Variants in MARVELD2 observed in about 807,000 individuals in gnomAD.
MARVELD2 encodes the protein MARVEL domain containing 2, also known as MARVEL domain-containing protein 2.
In MARVELD2, 49 loss-of-function variants were observed where a neutral mutation model predicts 57.6. The observed-to-expected ratio is 0.85, with a 90% CI of 0.68 to 1.08. MARVELD2 has a LOEUF of 1.08. MARVELD2 is among the 50% of genes least tolerant of loss of function. MARVELD2 has a pLI of 0.00. For synonymous variants in MARVELD2, 238 were observed against 258.8 expected (o/e 0.92, Z 0.77); for missense variants, 606 against 701.1 (o/e 0.86, Z 1.53).
intron 1 of MARVELD2, among the ~76,000 whole-genome samples, chr5:69,416,093 G>A (rs1766404802): frequency 6.6e-6 from 1 of 152,206 alleles, no homozygotes; most frequent in Non-Finnish European, 1.5e-5. Context: ...CACAGGTGAA[G>A]AGTTAAATCC....
intron 3 of MARVELD2, among the ~76,000 whole-genome samples, chr5:69,426,480 G>A (rs956068124): frequency 2.0e-5 from 3 of 151,510 alleles, no homozygotes; most frequent in Non-Finnish European, 2.9e-5. Context: ...GATTACAGGC[G>A]CCCGCCACCA....
chr5:69,437,381 TAAAAA>T (rs36086491), intron 5 of MARVELD2, among the ~76,000 whole-genome samples: 1 of 100,108 alleles, frequency 1.0e-5, no homozygotes, highest in Non-Finnish European at 1.9e-5. Flanking sequence ...AACTCTGTCT[TAAAAA>T]AAAAAAAAAA....
intron 3 of MARVELD2, among the ~76,000 whole-genome samples, chr5:69,425,413 T>TAAAAA (rs10706532): frequency 7.0e-6 from 1 of 141,846 alleles, no homozygotes; most frequent in South Asian, 2.2e-4. Flanking sequence ...ATATATATAT[T>TAAAAA]AAAAAAAAAA....
Position 69,420,043 on chromosome 5 carries a change from G to C in MARVELD2, c.658G>C (p.Glu220Gln). Residue 220 changes from glutamate (E) to glutamine (Q), a missense_variant, in exon 2 of 7, where the codon GAG becomes CAG. Glu to Gln is a conservative substitution (Grantham distance 29). Transcript: ENST00000325631. ...CACAGCTTACATTCACAAGGACAGT[G>C]AGTGGTACAACTTGTTTGGATATTC... ...CVTAYIHKDS[E>Q]WYNLFGYSQP... 1 of 1,614,172 alleles carries C rather than the reference G, an allele frequency of 6.2e-7. No individual in the cohort carries two copies.
chr5:69,416,165 T>C (rs1442312516), intron 1 of MARVELD2, among the ~76,000 whole-genome samples: 3 of 152,278 alleles, frequency 2.0e-5, no homozygotes, highest in Admixed American at 2.0e-4. Flanking sequence ...CTGTAAATGC[T>C]GTGTAAAACT....
intron 3 of MARVELD2, among the ~76,000 whole-genome samples, chr5:69,425,517 C>T (rs1357676647): frequency 2.0e-5 from 3 of 150,924 alleles, no homozygotes; most frequent in African/African-American, 7.3e-5. Context: ...ATATCTATAG[C>T]TGCTTTTAAT....
In MARVELD2 at chr5:69,432,594, C is replaced by T; in HGVS notation, c.1250C>T (p.Ala417Val). 3 of 1,614,108 alleles carry T rather than the reference C, an allele frequency of 1.9e-6. No homozygotes were observed. The highest frequency in any genetic ancestry group is 2.5e-6 in the Non-Finnish European group (3 of 1,180,024). ...GTTAATTTCAAGGAACTGAGAACAG[C>T]AAAAATGAAACCTGAACTACTGAGT... ...SEVNFKELRT[A>V]KMKPELLSGH... The change falls in exon 4 of 7, where the codon GCA (alanine) becomes GTA (valine). Residue 417 changes from alanine (A) to valine (V), a missense_variant. Ala to Val is a moderately conservative substitution (Grantham distance 64). Transcript: ENST00000325631.
chr5:69,425,031 AAAG>A (rs1207160400), intron 3 of MARVELD2, among the ~76,000 whole-genome samples: 9 of 151,308 alleles, frequency 5.9e-5, no homozygotes, highest in African/African-American at 2.2e-4. Flanking sequence ...TAAAAAAAGA[AAAG>A]AAAAGAAAGT....
In MARVELD2 at chr5:69,428,638, G is replaced by GACCAT. The variant is rs1288309955; in HGVS notation, c.1183-3888_1183-3887insCCATA. 3.1e-3 allele frequency among the ~76,000 whole-genome samples: 121 copies of GACCAT among 38,784 alleles called. 18 individuals carry two copies. The highest frequency in any genetic ancestry group is 7.2e-3 in the African/African-American group (82 of 11,342). 25.4% of individuals were successfully genotyped at this position (38,784 alleles called of 152,430 possible). ...CTTACAATTAGGGATGGGCAAGTAA[G>GACCAT]AAAAATGATTAGTTCTTCCTTAAAA... On this transcript the variant is annotated intron_variant, in intron 3 of 6. Coordinates refer to ENST00000325631, the MANE Select transcript of MARVELD2 (RefSeq NM_001038603.3).
chr5:69,438,730 CA>C (rs1418201549), intron 5 of MARVELD2, among the ~76,000 whole-genome samples: 1 of 151,870 alleles, frequency 6.6e-6, no homozygotes, highest in African/African-American at 2.4e-5. Context: ...ACTGAAAATA[CA>C]AAAAATTAGC....
intron 5 of MARVELD2, chr5:69,433,625 AT>A: frequency 1.3e-5 from 2 of 159,224 alleles, no homozygotes; most frequent in South Asian, 1.8e-4. Context: ...CGCCCAGCTA[AT>A]TTTTTTGTAT....
At chr5:69,434,445 T>A (rs1418838449) in intron 5 of MARVELD2, among the ~76,000 whole-genome samples, 2 of 144,612 alleles carry the variant, frequency 1.4e-5, no homozygotes, top group East Asian at 4.0e-4. Flanking sequence ...AAGGACAGAG[T>A]GAGACCATGT....
At position 69,429,474 on chromosome 5, in the gene MARVELD2, G is replaced by C. The variant is rs80065029; in HGVS notation, c.1183-3053G>C. On this transcript the variant is annotated intron_variant, in intron 3 of 6. Coordinates refer to ENST00000325631, the MANE Select transcript of MARVELD2 (RefSeq NM_001038603.3). ...TTAGTTCAGCAAGCATTTCTCGAAG[G>C]CTTAAGGGGTCAGTAGAGGGGAGGG... is the stretch of plus-strand genomic sequence containing the variant. 8.6e-3 allele frequency among the ~76,000 whole-genome samples: 1,312 copies of C among 152,224 alleles called. 17 individuals carry two copies. Among genetic ancestry groups the C allele is most frequent in the African/African-American group, 0.03 (1,247 of 41,532 alleles).
At chr5:69,415,963 GAAATACAGCTAACCATTCCCTTCTAA>G (rs2150909059) in intron 1 of MARVELD2, among the ~76,000 whole-genome samples, 1 of 152,358 alleles carries the variant, frequency 6.6e-6, no homozygotes, top group Admixed American at 6.5e-5. Context: ...AAGATGTAAT[GAAATACAGCTAACCATTCCCTTCTAA>G]AAATCACATT....
chr5:69,421,591 C>T (rs1293205231), intron 2 of MARVELD2, among the ~76,000 whole-genome samples: 5 of 152,044 alleles, frequency 3.3e-5, no homozygotes, highest in African/African-American at 1.2e-4. Context: ...GAATCTGATG[C>T]ATAGCAACAA....
At chr5:69,424,455 T>G in intron 2 of MARVELD2, 146 bp from the exon 3 acceptor site, 1 of 693,264 alleles carries the variant, frequency 1.4e-6, no homozygotes. Context: ...CTTCAAAACC[T>G]AGGCAAAAAA....
At chr5:69,432,073 C>T (rs997472796) in intron 3 of MARVELD2, among the ~76,000 whole-genome samples, 1 of 151,682 alleles carries the variant, frequency 6.6e-6, no homozygotes, top group African/African-American at 2.4e-5. Context: ...TGCAGTGGTA[C>T]AATCTTGGTT....
At position 69,417,773 on chromosome 5, in the gene MARVELD2, A is replaced by C. The variant is rs533398982; in HGVS notation, c.-15-1598A>C. Among the ~76,000 whole-genome samples the C allele has an allele frequency of 1.7e-4, 26 of 152,108 alleles. No homozygotes were observed. In the South Asian group the frequency reaches 5.4e-3, roughly 32 times the overall value. On this transcript the variant is annotated intron_variant, in intron 1 of 6. Transcript: ENST00000325631. ...CCCGGCTAACATGGTCCCCATCTCTACTAAAAATACAAAAAATTAGCCGGG... is the reference window on the plus strand; with the variant it reads ...CCCGGCTAACATGGTCCCCATCTCTCCTAAAAATACAAAAAATTAGCCGGG...
intron 5 of MARVELD2, among the ~76,000 whole-genome samples, chr5:69,434,100 C>T (rs993720486): frequency 6.6e-5 from 10 of 151,960 alleles, no homozygotes; most frequent in African/African-American, 2.4e-4. Flanking sequence ...GCATTGCATT[C>T]CCCTGCTAAG....
Sources: gnomAD v4.1 joint callset for allele counts (sites outside exome capture counted in the v4.1 genomes callset) on GRCh38, gnomAD v4.1.1 for gene constraint, MANE v1.5 for transcripts, NCBI Gene and HGNC (gene_info 2026-07-23, HGNC 2026-07-21) for gene names.